Variants in SLC35A3 observed in about 807,000 individuals in gnomAD.
SLC35A3 encodes the protein UDP-N-acetylglucosamine transporter.
Under a neutral mutation model 39.0 loss-of-function variants are expected in SLC35A3, and 26 were observed. That is an observed-to-expected ratio of 0.67 (90% CI 0.49 to 0.92). The LOEUF (loss-of-function observed/expected upper bound fraction) is 0.92. Ranked by LOEUF, SLC35A3 falls within the 40% of genes least tolerant of loss-of-function variation. The probability of loss-of-function intolerance (pLI) is 0.00; values close to 1 mark genes in which losing one functional copy is unlikely to be tolerated. For missense variants in SLC35A3, 299 were observed against 371.6 expected, an observed-to-expected ratio of 0.80 and a Z score of 1.61; for synonymous variants, 135 against 133.1, an observed-to-expected ratio of 1.01 and a Z score of -0.10.
chr1:100,009,213 G>A (rs1659455340), intron 4 of SLC35A3: 1 of 152,048 alleles, frequency 6.6e-6, no homozygotes, highest in African/African-American at 2.4e-5. Flanking sequence ...TAATGAAATT[G>A]CTTATTGATC....
chr1:100,008,771 T>C (rs1179201314), intron 4 of SLC35A3: 1 of 152,236 alleles, frequency 6.6e-6, no homozygotes, highest in Non-Finnish European at 1.5e-5. Flanking sequence ...ATTTGTGCCT[T>C]CTTCTGTACC....
Position 99,987,144 on chromosome 1 carries a change from A to G in SLC35A3, c.-18-6393A>G, listed in dbSNP as rs187089174. Among the ~76,000 whole-genome samples, 522 of 152,368 alleles carry G rather than the reference A, an allele frequency of 3.4e-3. 7 individuals carry two copies. The highest frequency in any genetic ancestry group is 0.012 in the African/African-American group (494 of 41,590). On this transcript the variant is annotated intron_variant, in intron 1 of 7. Transcript: ENST00000533028. ...AGCCAGGGAGCCTGATATAAGCTAT[A>G]TAGGCTGGTGTCTCCAGTTACTAGT...
chr1:99,973,711 A>G (rs1230332631), intron 1 of SLC35A3, among the ~76,000 whole-genome samples: 1 of 152,166 alleles, frequency 6.6e-6, no homozygotes, highest in African/African-American at 2.4e-5. Context: ...AGTGGAAATT[A>G]GAATTACGAT....
At chr1:99,970,469 C>T (rs1656735935) in intron 1 of SLC35A3, 9 of 1,127,440 alleles carry the variant, frequency 8.0e-6, no homozygotes, top group Non-Finnish European at 1.1e-5. Context: ...TGCCTCAGCG[C>T]CTGGTGCGTG....
At chr1:99,973,627 A>T (rs1656938082) in intron 1 of SLC35A3, among the ~76,000 whole-genome samples, 1 of 152,222 alleles carries the variant, frequency 6.6e-6, no homozygotes, top group Non-Finnish European at 1.5e-5. Flanking sequence ...GAAACCAAAG[A>T]GCCAGTTTAA....
chr1:99,985,108 A>G (rs572818497), intron 1 of SLC35A3, among the ~76,000 whole-genome samples: 1 of 151,992 alleles, frequency 6.6e-6, no homozygotes, highest in East Asian at 1.9e-4. Context: ...TTTTTGTTGC[A>G]TTTGCTTTTG....
rs1661182495 is a variant in SLC35A3 at position 100,030,994 on chromosome 1, C to T, written c.*8518C>T. 6.6e-6 allele frequency: 1 copy of T among 152,094 alleles called. No individual in the cohort carries two copies. The highest frequency in any genetic ancestry group is 6.5e-5 in the Admixed American group (1 of 15,274). The allele number at this position is 152,094 out of a possible 1,614,324, so 9.4% of individuals were successfully genotyped here. A position where few individuals can be genotyped will look rare whatever the true frequency, so the allele number is the denominator to read the frequency against. On this transcript the variant is annotated 3_prime_UTR_variant, in exon 8 of 8. Coordinates refer to ENST00000533028, the MANE Select transcript of SLC35A3 (RefSeq NM_012243.3). ...ATGAATTCTAGAATTTTAAAACCTG[C>T]CACACTTATTTTGGATGTTATATAC...
intron 5 of SLC35A3, among the ~76,000 whole-genome samples, chr1:100,012,435 G>A (rs1557842360): frequency 6.6e-6 from 1 of 152,044 alleles, no homozygotes; most frequent in Non-Finnish European, 1.5e-5. Flanking sequence ...GACTTCATAA[G>A]CTCCAATGCT....
intron 7 of SLC35A3, among the ~76,000 whole-genome samples, chr1:100,019,596 A>G (rs1292459476): frequency 6.6e-6 from 1 of 152,156 alleles, no homozygotes; most frequent in Non-Finnish European, 1.5e-5. Flanking sequence ...ATGTAATAAT[A>G]TATTTGCCTT....
At chr1:99,992,142 C>G (rs974981275) in intron 1 of SLC35A3, among the ~76,000 whole-genome samples, 4 of 152,100 alleles carry the variant, frequency 2.6e-5, no homozygotes, top group Non-Finnish European at 1.5e-5. Flanking sequence ...TGTTATTTTA[C>G]TAATTACTGA....
intron 1 of SLC35A3, among the ~76,000 whole-genome samples, chr1:99,992,839 A>G (rs1175120470): frequency 1.3e-5 from 2 of 152,172 alleles, no homozygotes; most frequent in African/African-American, 4.8e-5. Context: ...ATGTTAATAG[A>G]CAGCCACTGG....
At chr1:100,021,257 G>A (rs965049529) in intron 7 of SLC35A3, among the ~76,000 whole-genome samples, 2 of 152,046 alleles carry the variant, frequency 1.3e-5, no homozygotes, top group Admixed American at 1.3e-4. Context: ...CCAGCTAGTC[G>A]GGAGGCTGAG....
intron 5 of SLC35A3, among the ~76,000 whole-genome samples, chr1:100,012,857 A>T (rs1205096380): frequency 6.6e-6 from 1 of 152,226 alleles, no homozygotes; most frequent in African/African-American, 2.4e-5. Flanking sequence ...AATTATCAGT[A>T]TAATACATAG....
intron 3 of SLC35A3, 33 bp from the exon 4 acceptor site, chr1:100,007,001 G>C: frequency 6.4e-7 from 1 of 1,562,910 alleles, no homozygotes. Flanking sequence ...ACAAACAAAC[G>C]AACATTAATA....
At chr1:99,972,252 T>C (rs2101007816) in intron 1 of SLC35A3, among the ~76,000 whole-genome samples, 1 of 152,224 alleles carries the variant, frequency 6.6e-6, no homozygotes, top group South Asian at 2.1e-4. Flanking sequence ...CAACACTTGT[T>C]AAATTTGCAT....
chr1:99,987,791 A>G (rs371811527), intron 1 of SLC35A3, among the ~76,000 whole-genome samples: 2 of 152,212 alleles, frequency 1.3e-5, no homozygotes, highest in African/African-American at 2.4e-5. Flanking sequence ...GAGATATACT[A>G]TAAACAGGGT....
At chr1:99,991,959 G>A (rs1053228718) in intron 1 of SLC35A3, among the ~76,000 whole-genome samples, 2 of 152,098 alleles carry the variant, frequency 1.3e-5, no homozygotes, top group African/African-American at 4.8e-5. Context: ...ATGTTGGCCG[G>A]GCTGGTCTCA....
At chr1:100,005,705 A>G (rs968821991) in intron 3 of SLC35A3, among the ~76,000 whole-genome samples, 3 of 151,688 alleles carry the variant, frequency 2.0e-5, no homozygotes, top group Non-Finnish European at 4.4e-5. Context: ...CTTTTTTATG[A>G]TATCTCTTTG....
In SLC35A3 at chr1:100,023,090, A is replaced by T. The variant is rs1364195821; in HGVS notation, c.*614A>T. 6.6e-6 allele frequency: 1 copy of T among 152,222 alleles called. No homozygotes were observed. Among genetic ancestry groups the T allele is most frequent in the African/African-American group, 2.4e-5 (1 of 41,464 alleles). 9.4% of individuals were successfully genotyped at this position (152,222 alleles called of 1,614,324 possible). On this transcript the variant is annotated 3_prime_UTR_variant, in exon 8 of 8. Coordinates refer to ENST00000533028, the MANE Select transcript of SLC35A3 (RefSeq NM_012243.3). ...AGAATAAATATCAAATCTAAATTTA[A>T]TGTAGAGATACATACTATTTCTCCA...
Sources: allele counts gnomAD v4.1 joint callset (sites outside exome capture counted in the v4.1 genomes callset), GRCh38; gene constraint gnomAD v4.1.1; transcripts MANE v1.5; gene names NCBI Gene and HGNC (gene_info 2026-07-23, HGNC 2026-07-21).